TRPM7: variants seen among roughly 807,000 people sequenced by gnomAD.
The protein encoded by TRPM7 is transient receptor potential cation channel subfamily M member 7, also known as LTRPC ion channel family member 7.
TRPM7 carries 134 observed loss-of-function variants against 229.7 expected under a neutral mutation model. The observed-to-expected ratio is 0.58, with a 90% CI of 0.51 to 0.67. TRPM7 has a LOEUF of 0.67. Among genes scored for constraint, TRPM7 ranks in the 30% least tolerant of loss-of-function variants. The probability of loss-of-function intolerance (pLI) is 0.00; values close to 1 mark genes in which losing one functional copy is unlikely to be tolerated. For missense variants in TRPM7, 1,901 were observed against 2,210.0 expected (o/e 0.86, Z 2.80); for synonymous variants, 699 against 715.2 (o/e 0.98, Z 0.36).
At chr15:50,588,901 T>G (rs1200396119) in intron 27 of TRPM7, among the ~76,000 whole-genome samples, 1 of 152,208 alleles carries the variant, frequency 6.6e-6, no homozygotes. Flanking sequence ...AATATACAGC[T>G]TCTCACTGCT....
At chr15:50,658,091 G>A (rs1178029375) in intron 2 of TRPM7, among the ~76,000 whole-genome samples, 1 of 148,434 alleles carries the variant, frequency 6.7e-6, no homozygotes. Flanking sequence ...TGCAAGCTCC[G>A]CCTCCCGGGT....
chr15:50,653,914 G>A (rs1409549520), intron 3 of TRPM7, among the ~76,000 whole-genome samples: 2 of 152,088 alleles, frequency 1.3e-5, no homozygotes, highest in African/African-American at 4.8e-5. Flanking sequence ...TTTTAGTTCA[G>A]CGTGAAAAGA....
intron 5 of TRPM7, among the ~76,000 whole-genome samples, chr15:50,642,463 G>C (rs545659098): frequency 6.6e-6 from 1 of 152,290 alleles, no homozygotes; most frequent in South Asian, 2.1e-4. Context: ...TTACGGGAGA[G>C]ACCAGGTGGA....
At position 50,611,415 on chromosome 15, in the gene TRPM7, T is replaced by C. The variant is rs2060059037; in HGVS notation, c.2052-94A>G. Reference sequence around the variant, plus strand: ...TACATTAATACTTCCTACTTTTTAATATTCTCACACACACTTACAGAATTA... The same window carrying C: ...TACATTAATACTTCCTACTTTTTAACATTCTCACACACACTTACAGAATTA... On this transcript the variant is annotated intron_variant, in intron 16 of 38. Coordinates refer to ENST00000646667, the MANE Select transcript of TRPM7 (RefSeq NM_017672.6). 13 of 886,518 alleles carry C rather than the reference T, an allele frequency of 1.5e-5. No individual in the cohort carries two copies. The South Asian group carries it at 2.3e-4, about 15-fold the overall frequency. 54.9% of individuals were successfully genotyped at this position (886,518 alleles called of 1,614,324 possible). A position where few individuals can be genotyped will look rare whatever the true frequency, so the allele number is the denominator to read the frequency against.
chr15:50,610,966 TC>T, intron 17 of TRPM7, 126 bp downstream of exon 17: 1 of 704,382 alleles, frequency 1.4e-6, no homozygotes, highest in African/African-American at 1.8e-5. Flanking sequence ...CAATCATCCA[TC>T]TTGCTCCCTC....
chr15:50,610,974 C>A, intron 17 of TRPM7, 119 bp downstream of exon 17: 1 of 749,418 alleles, frequency 1.3e-6, no homozygotes, highest in Non-Finnish European at 2.2e-6. Context: ...CATCTTGCTC[C>A]CTCTTTACCC....
In TRPM7 at chr15:50,574,335, T is replaced by C. The variant is rs1057275735; in HGVS notation, c.5247A>G (p.Leu1749=). The C allele has an allele frequency of 6.2e-7, 1 of 1,614,052 alleles. No individual in the cohort carries two copies. Among genetic ancestry groups the C allele is most frequent in the Admixed American group, 1.7e-5 (1 of 60,010 alleles). The stretch of plus-strand genomic sequence containing the variant: ...ATTCGTAAGTCCAGTGGCTAAAGGC[T>C]AGCATGATCTCTTCCAGAGTATTAG... ...IPTNTLEEIM[L]AFSHWTYEYT... Residue 1749 remains leucine (L), a synonymous_variant, in exon 36 of 39, where the codon CTA becomes CTG. Transcript: ENST00000646667.
chr15:50,624,722 T>C (rs1253818120), intron 11 of TRPM7, among the ~76,000 whole-genome samples: 3 of 149,032 alleles, frequency 2.0e-5, no homozygotes, highest in Admixed American at 6.7e-5. Context: ...TGCAATATGC[T>C]GGAGAATTCT....
intron 26 of TRPM7, among the ~76,000 whole-genome samples, chr15:50,590,281 TA>T (rs1012448487): frequency 1.6e-4 from 23 of 146,696 alleles, no homozygotes; most frequent in South Asian, 2.2e-4. Context: ...TTACTATTAA[TA>T]AAAAAAAAAG....
intron 3 of TRPM7, among the ~76,000 whole-genome samples, chr15:50,655,656 C>T (rs1411337279): frequency 6.6e-6 from 1 of 152,048 alleles, no homozygotes; most frequent in Admixed American, 6.6e-5. Flanking sequence ...TTACAGCTGC[C>T]TTCTCATTAG....
At chr15:50,620,901 C>T (rs748589844) in intron 12 of TRPM7, among the ~76,000 whole-genome samples, 2 of 151,880 alleles carry the variant, frequency 1.3e-5, no homozygotes. Context: ...CATTGCACTC[C>T]AGTCTCAGCA....
rs778944638 is a variant in TRPM7, at chr15:50,575,854, T to TA, written c.4669+14_4669+15insT. The TA allele has an allele frequency of 9.9e-6, 16 of 1,612,526 alleles. No homozygotes were observed. The highest frequency in any genetic ancestry group is 1.4e-5 in the Non-Finnish European group (16 of 1,179,454). ...GTCCAAAATGCTATTAAATTTTGTTTTTAATATTACTGACCTGAATAATAG... is the reference window on the plus strand; with the variant it reads ...GTCCAAAATGCTATTAAATTTTGTTTATTAATATTACTGACCTGAATAATAG... On this transcript the variant is annotated intron_variant, in intron 32 of 38. Transcript: ENST00000646667.
At chr15:50,567,677 A>G (rs3101855) in intron 38 of TRPM7, among the ~76,000 whole-genome samples, 55,274 of 151,880 alleles carry the variant, frequency 0.36, 10,941 homozygotes, top group Admixed American at 0.48. Context: ...AAAAAAATCA[A>G]TCGATGTAAT....
At chr15:50,610,455 T>C (rs562658288) in intron 17 of TRPM7, among the ~76,000 whole-genome samples, 1 of 152,206 alleles carries the variant, frequency 6.6e-6, no homozygotes, top group South Asian at 2.1e-4. Flanking sequence ...CATGAAGAAA[T>C]TGTAATTGTG....
intron 22 of TRPM7, among the ~76,000 whole-genome samples, chr15:50,598,013 A>G (rs988425178): frequency 4.6e-5 from 7 of 152,172 alleles, no homozygotes; most frequent in African/African-American, 1.7e-4. Flanking sequence ...TGGTAAAACA[A>G]CATTAGTTTA....
At position 50,570,090 on chromosome 15, in the gene TRPM7, T is replaced by C; in HGVS notation, c.5360+14A>G. The C allele has an allele frequency of 1.2e-6, 2 of 1,608,584 alleles. No individual in the cohort carries two copies. The highest frequency in any genetic ancestry group is 2.2e-5 in the South Asian group (2 of 89,914). ...GTGAAATTATGCCTTAATGAAATAG[T>C]TAAAACTTATTACCTCTTTTCTTCT... On this transcript the variant is annotated intron_variant, in intron 37 of 38. Coordinates refer to ENST00000646667, the MANE Select transcript of TRPM7 (RefSeq NM_017672.6).
chr15:50,612,651 G>A lies in TRPM7; in HGVS notation c.1949C>T (p.Ala650Val). ...GATCTTACAGGCAACTAATGCTTTA[G>A]CCATTGATTCTTCACCATGTTGCCA... Reference protein sequence around the residue: ...FLWQHGEESMAKALVACKIYR... With the variant: ...FLWQHGEESMVKALVACKIYR... The change falls in exon 16 of 39, where the codon GCT becomes GTT. Residue 650 changes from alanine to valine, a missense_variant. By Grantham distance (64) the Ala-to-Val change is moderately conservative. Coordinates refer to ENST00000646667, the MANE Select transcript of TRPM7 (RefSeq NM_017672.6). The A allele has an allele frequency of 6.2e-7, 1 of 1,614,112 alleles. No homozygotes were observed. Among genetic ancestry groups the A allele is most frequent in the Non-Finnish European group, 8.5e-7 (1 of 1,179,996 alleles).
Position 50,612,448 on chromosome 15 carries a change from T to C in TRPM7, c.2051+101A>G, listed in dbSNP as rs963048781. The C allele has an allele frequency of 6.3e-5, 62 of 988,008 alleles. No homozygotes were observed. The East Asian group carries it at 1.5e-3, about 24-fold the overall frequency. The allele number at this position is 988,008 out of a possible 1,614,324, so 61.2% of individuals were successfully genotyped here. On this transcript the variant is annotated intron_variant, in intron 16 of 38. Coordinates refer to ENST00000646667, the MANE Select transcript of TRPM7 (RefSeq NM_017672.6). Reference sequence around the variant, plus strand: ...TCAATTGTACCAATAAGATTATACATATAAATACATCACCATTAAGTACGT... The same window carrying C: ...TCAATTGTACCAATAAGATTATACACATAAATACATCACCATTAAGTACGT...
At position 50,564,765 on chromosome 15, in the gene TRPM7, C is replaced by T. The variant is rs941687089; in HGVS notation, c.5468-2957G>A. 5.9e-5 allele frequency among the ~76,000 whole-genome samples: 9 copies of T among 152,114 alleles called. No homozygotes were observed. The East Asian group carries it at 1.3e-3, about 23-fold the overall frequency. Reference sequence around the variant, plus strand: ...AATCTAAGAAACAGCCTATATTAAACAATCCAAACATATTTGCAACTATAT... The same window carrying T: ...AATCTAAGAAACAGCCTATATTAAATAATCCAAACATATTTGCAACTATAT... On this transcript the variant is annotated intron_variant, in intron 38 of 38. Transcript: ENST00000646667.
Sources: allele counts gnomAD v4.1 joint callset (sites outside exome capture counted in the v4.1 genomes callset), GRCh38; gene constraint gnomAD v4.1.1; transcripts MANE v1.5; gene names NCBI Gene and HGNC (gene_info 2026-07-23, HGNC 2026-07-21).